ADGRL4: variants seen among roughly 807,000 people sequenced by gnomAD.
ADGRL4 encodes the protein adhesion G protein-coupled receptor L4.
Under a neutral mutation model 74.8 loss-of-function variants are expected in ADGRL4, and 90 were observed. The ratio of observed to expected loss-of-function variants is 1.20; its 90% CI spans 1.02 to 1.43. ADGRL4 has a LOEUF of 1.43. Among genes scored for constraint, ADGRL4 ranks in the 40% most tolerant of loss-of-function variants. The pLI, the probability that ADGRL4 is intolerant of heterozygous loss-of-function variation, is 0.00. For synonymous variants in ADGRL4, 311 were observed against 279.2 expected, an observed-to-expected ratio of 1.11 and a Z score of -1.14; for missense variants, 881 against 814.3, an observed-to-expected ratio of 1.08 and a Z score of -1.00.
intron 7 of ADGRL4, among the ~76,000 whole-genome samples, chr1:78,934,593 A>T (rs959708523): frequency 2.6e-5 from 4 of 152,204 alleles, no homozygotes; most frequent in African/African-American, 7.2e-5. Context: ...CAGCCAAAGA[A>T]GTTATCATCA....
intron 2 of ADGRL4, among the ~76,000 whole-genome samples, chr1:78,979,171 C>CA (rs1469851790): frequency 1.3e-5 from 2 of 151,884 alleles, no homozygotes; most frequent in African/African-American, 4.8e-5. Context: ...CAAAAATAAA[C>CA]ATTGTTTACG....
intron 1 of ADGRL4, 87 bp downstream of exon 1, chr1:79,006,546 G>C: frequency 6.9e-7 from 1 of 1,457,726 alleles, no homozygotes; most frequent in Non-Finnish European, 9.3e-7. Flanking sequence ...CACTTGCCAT[G>C]TGAGCTCCAC....
intron 12 of ADGRL4, among the ~76,000 whole-genome samples, chr1:78,901,828 T>G (rs930306333): frequency 2.0e-5 from 3 of 152,078 alleles, no homozygotes; most frequent in African/African-American, 7.2e-5. Flanking sequence ...CAGCACTCAC[T>G]AGGGTCAGGA....
At chr1:78,945,181 T>C (rs866172565) in intron 3 of ADGRL4, among the ~76,000 whole-genome samples, 1 of 124,652 alleles carries the variant, frequency 8.0e-6, no homozygotes, top group African/African-American at 2.7e-5. Context: ...AAAAAAAATA[T>C]ATATATATAT....
chr1:78,919,942 C>A (rs527511826), intron 10 of ADGRL4, among the ~76,000 whole-genome samples: 27 of 152,034 alleles, frequency 1.8e-4, no homozygotes, highest in Non-Finnish European at 3.7e-4. Flanking sequence ...CAGTTTGTTG[C>A]AAAGTTTTAA....
intron 2 of ADGRL4, among the ~76,000 whole-genome samples, chr1:79,002,965 T>A (rs955618842): frequency 5.9e-5 from 9 of 152,208 alleles, no homozygotes; most frequent in African/African-American, 2.2e-4. Flanking sequence ...GTTATTACTA[T>A]AACATTTCTT....
At chr1:78,950,620 G>A (rs1649703134) in intron 2 of ADGRL4, among the ~76,000 whole-genome samples, 1 of 152,132 alleles carries the variant, frequency 6.6e-6, no homozygotes, top group Non-Finnish European at 1.5e-5. Context: ...TCAGTGATTT[G>A]GAGAAGATAA....
chr1:79,003,397 T>A (rs891321876), intron 2 of ADGRL4, among the ~76,000 whole-genome samples: 26 of 151,722 alleles, frequency 1.7e-4, no homozygotes, highest in Non-Finnish European at 3.4e-4. Context: ...TTTTTTTTTT[T>A]AAACAGAAAG....
intron 2 of ADGRL4, among the ~76,000 whole-genome samples, chr1:78,956,297 C>G (rs1457035677): frequency 1.3e-5 from 2 of 152,150 alleles, no homozygotes; most frequent in African/African-American, 4.8e-5. Flanking sequence ...GGATACATGT[C>G]CCATACCTAG....
At chr1:78,909,225 T>C (rs1446420471) in intron 12 of ADGRL4, among the ~76,000 whole-genome samples, 3 of 151,962 alleles carry the variant, frequency 2.0e-5, no homozygotes, top group East Asian at 1.9e-4. Flanking sequence ...ATGAGTAGTG[T>C]TTCTAATATA....
At chr1:78,919,767 A>G (rs888801064) in intron 10 of ADGRL4, among the ~76,000 whole-genome samples, 5 of 151,984 alleles carry the variant, frequency 3.3e-5, no homozygotes, top group Admixed American at 2.0e-4. Context: ...GAAGTTAGAA[A>G]AGATACTAGG....
At chr1:78,955,257 C>T (rs541488346) in intron 2 of ADGRL4, among the ~76,000 whole-genome samples, 2 of 152,170 alleles carry the variant, frequency 1.3e-5, no homozygotes, top group South Asian at 4.1e-4. Flanking sequence ...TTATCTGGCT[C>T]TTCATAGCTT....
At chr1:78,910,143 C>T (rs1430388172) in intron 12 of ADGRL4, among the ~76,000 whole-genome samples, 1 of 149,850 alleles carries the variant, frequency 6.7e-6, no homozygotes, top group Non-Finnish European at 1.5e-5. Context: ...CACATTTTTA[C>T]CTTGCACAGT....
intron 2 of ADGRL4, among the ~76,000 whole-genome samples, chr1:78,954,598 T>G (rs1459157727): frequency 6.6e-6 from 1 of 152,122 alleles, no homozygotes; most frequent in African/African-American, 2.4e-5. Flanking sequence ...ATAAACATAC[T>G]TAAATTTTAA....
intron 8 of ADGRL4, among the ~76,000 whole-genome samples, chr1:78,924,777 A>G (rs976352303): frequency 6.6e-6 from 1 of 152,136 alleles, no homozygotes; most frequent in Non-Finnish European, 1.5e-5. Flanking sequence ...ACCAATTTAT[A>G]GTATTATAAA....
chr1:78,959,242 CAG>C (rs1424288375), intron 2 of ADGRL4, among the ~76,000 whole-genome samples: 2 of 152,058 alleles, frequency 1.3e-5, no homozygotes, highest in African/African-American at 4.8e-5. Context: ...TTGAAGAAAA[CAG>C]AAATAGCTCA....
In ADGRL4 at chr1:78,937,878, T is replaced by C. The variant is rs756526971; in HGVS notation, c.689A>G (p.Glu230Gly). ...CTGGGATATCCTTAAAGTAGCTTGT[T>C]CAACAGTGTGCATGAGTTTTGTAAG... ...THLTKLMHTV[E>G]QATLRISQSF... Residue 230 changes from glutamate to glycine, a missense_variant, in exon 6 of 15, where the codon GAA becomes GGA. Glu to Gly is a moderately conservative substitution (Grantham distance 98). Transcript: ENST00000370742. 1.3e-5 allele frequency: 21 copies of C among 1,613,938 alleles called. No individual in the cohort carries two copies. The Admixed American group carries it at 3.5e-4, about 27-fold the overall frequency.
intron 12 of ADGRL4, among the ~76,000 whole-genome samples, chr1:78,908,685 A>G (rs565953412): frequency 2.6e-5 from 4 of 152,076 alleles, no homozygotes; most frequent in African/African-American, 7.2e-5. Flanking sequence ...CCCTTTCATC[A>G]TATCATTATG....
chr1:78,993,067 GAAGA>G (rs1345865552), intron 2 of ADGRL4, among the ~76,000 whole-genome samples: 3 of 152,002 alleles, frequency 2.0e-5, no homozygotes, highest in African/African-American at 7.2e-5. Context: ...ATATTTTCTA[GAAGA>G]AAGTAACACT....
Sources: gnomAD v4.1 joint callset for allele counts (sites outside exome capture counted in the v4.1 genomes callset) on GRCh38, gnomAD v4.1.1 for gene constraint, MANE v1.5 for transcripts, NCBI Gene and HGNC (gene_info 2026-07-23, HGNC 2026-07-21) for gene names.